Variants in CCDC3 observed in about 807,000 individuals in gnomAD.
CCDC3 encodes coiled-coil domain-containing protein 3.
In CCDC3, 24 loss-of-function variants were observed where a neutral mutation model predicts 21.4. That is an observed-to-expected ratio of 1.12 (90% CI 0.81 to 1.58). The LOEUF (loss-of-function observed/expected upper bound fraction) is 1.58. Among genes scored for constraint, CCDC3 ranks in the 40% most tolerant of loss-of-function variants. The pLI, the probability that CCDC3 is intolerant of heterozygous loss-of-function variation, is 0.00. For missense variants in CCDC3, 425 were observed against 360.9 expected (o/e 1.18, Z -1.44); for synonymous variants, 186 against 166.0 (o/e 1.12, Z -0.93).
At chr10:12,901,699 A>G (rs559086866) in intron 2 of CCDC3, among the ~76,000 whole-genome samples, 11 of 152,228 alleles carry the variant, frequency 7.2e-5, no homozygotes, top group Non-Finnish European at 1.6e-4. Flanking sequence ...GCCCTCGTGC[A>G]CAGTAAACGT....
At chr10:12,927,898 AC>A (rs1314470898) in intron 2 of CCDC3, among the ~76,000 whole-genome samples, 11 of 152,244 alleles carry the variant, frequency 7.2e-5, no homozygotes, top group African/African-American at 2.7e-4. Context: ...TCAATCTCAA[AC>A]TACATACACA....
chr10:13,001,598 G>A lies in CCDC3; in HGVS notation c.-28C>T, dbSNP rs2131288579. The A allele has an allele frequency of 8.6e-7, 1 of 1,160,006 alleles. No homozygotes were observed. Among genetic ancestry groups the A allele is most frequent in the Non-Finnish European group, 1.1e-6 (1 of 942,290 alleles). The allele number at this position is 1,160,006 out of a possible 1,614,324, so 71.9% of individuals were successfully genotyped here. ...CGGGCCCTCCCGGGGCGCACGGGGCGGCGGCGGGGAGCCCGGGGAGCCCGC... is the reference window on the plus strand; with the variant it reads ...CGGGCCCTCCCGGGGCGCACGGGGCAGCGGCGGGGAGCCCGGGGAGCCCGC... On this transcript the variant is annotated 5_prime_UTR_variant, in exon 1 of 3. Coordinates refer to ENST00000378825, the MANE Select transcript of CCDC3 (RefSeq NM_031455.4).
intron 3 of CCDC3, among the ~76,000 whole-genome samples, chr10:13,092,068 A>G (rs1040066881): frequency 6.6e-6 from 1 of 152,192 alleles, no homozygotes; most frequent in Non-Finnish European, 1.5e-5. Context: ...CAGGGTGCAG[A>G]TAGCTGCAGC....
intron 1 of CCDC3, among the ~76,000 whole-genome samples, chr10:12,999,933 T>C (rs1327445531): frequency 1.3e-5 from 2 of 152,196 alleles, no homozygotes; most frequent in Non-Finnish European, 2.9e-5. Context: ...TGGAAATACA[T>C]ACATATATAT....
At chr10:13,005,939 C>T (rs572493110), upstream of CCDC3, among the ~76,000 whole-genome samples, 25 of 152,332 alleles carry the variant, frequency 1.6e-4, no homozygotes, top group East Asian at 1.7e-3. Flanking sequence ...CATCCAAGGA[C>T]CAGCAACTTT....
intron 4 of CCDC3, chr10:13,058,487 T>C: frequency 2.7e-6 from 2 of 751,490 alleles, no homozygotes; most frequent in South Asian, 2.7e-5. Flanking sequence ...GCCTAAGCAA[T>C]CTGACAAATG....
At chr10:12,936,019 A>G (rs78704279) in intron 2 of CCDC3, among the ~76,000 whole-genome samples, 7,594 of 151,954 alleles carry the variant, frequency 0.05, 219 homozygotes, top group Non-Finnish European at 0.072. Context: ...TGTCAGATCA[A>G]TGAAGATGAC....
chr10:12,984,470 G>T (rs1017214280), intron 2 of CCDC3, among the ~76,000 whole-genome samples: 1 of 152,198 alleles, frequency 6.6e-6, no homozygotes, highest in Non-Finnish European at 1.5e-5. Flanking sequence ...ACGTAAAATG[G>T]TGCAGCTGCT....
intron 4 of CCDC3, among the ~76,000 whole-genome samples, chr10:13,067,692 T>A (rs530464774): frequency 6.6e-6 from 1 of 152,282 alleles, no homozygotes; most frequent in African/African-American, 2.4e-5. Context: ...TGGTTTGATA[T>A]CTGCATGATC....
chr10:13,029,742 T>G (rs577294012), intron 5 of CCDC3, among the ~76,000 whole-genome samples: 1 of 152,202 alleles, frequency 6.6e-6, no homozygotes, highest in Admixed American at 6.5e-5. Context: ...AGGGTATCAG[T>G]GATTGAAGAT....
At chr10:12,996,107 G>A (rs1835757806) in intron 2 of CCDC3, among the ~76,000 whole-genome samples, 6 of 152,226 alleles carry the variant, frequency 3.9e-5, no homozygotes, top group Admixed American at 3.9e-4. Flanking sequence ...AAGAAATTAA[G>A]TATGACTCGG....
At chr10:12,985,761 G>C (rs978401322) in intron 2 of CCDC3, among the ~76,000 whole-genome samples, 1 of 152,248 alleles carries the variant, frequency 6.6e-6, no homozygotes, top group African/African-American at 2.4e-5. Context: ...GGATAGGTGA[G>C]GGGAAGGGTA....
upstream of CCDC3, among the ~76,000 whole-genome samples, chr10:13,005,238 C>T (rs963568739): frequency 6.6e-6 from 1 of 152,206 alleles, no homozygotes; most frequent in Non-Finnish European, 1.5e-5. Flanking sequence ...GAAAAATCTT[C>T]AAACCAGTCT....
At chr10:13,053,022 T>C (rs1218082197) in intron 4 of CCDC3, among the ~76,000 whole-genome samples, 1 of 151,662 alleles carries the variant, frequency 6.6e-6, no homozygotes, top group Non-Finnish European at 1.5e-5. Context: ...ATGTTTTTTT[T>C]CTTGCCTTCC....
chr10:12,920,853 C>T (rs566322532), intron 2 of CCDC3, among the ~76,000 whole-genome samples: 3 of 152,264 alleles, frequency 2.0e-5, no homozygotes, highest in Non-Finnish European at 4.4e-5. Flanking sequence ...CAAAAGGTAG[C>T]GCTCCCATGC....
intron 5 of CCDC3, among the ~76,000 whole-genome samples, chr10:13,010,231 G>C (rs1835968671): frequency 1.3e-5 from 2 of 151,982 alleles, no homozygotes; most frequent in Non-Finnish European, 1.5e-5. Flanking sequence ...CTGGGTGACA[G>C]AGCAAGACTC....
intron 5 of CCDC3, among the ~76,000 whole-genome samples, chr10:13,015,294 A>G (rs1836040694): frequency 2.0e-5 from 3 of 152,162 alleles, no homozygotes; most frequent in Admixed American, 6.5e-5. Context: ...TGATAATTAG[A>G]TTAAATTCCA....
intron 5 of CCDC3, among the ~76,000 whole-genome samples, chr10:13,040,846 G>A (rs1333273621): frequency 1.3e-5 from 2 of 152,128 alleles, no homozygotes; most frequent in African/African-American, 2.4e-5. Flanking sequence ...TATTATGTAC[G>A]ATGCTGGAGT....
intron 2 of CCDC3, among the ~76,000 whole-genome samples, chr10:12,943,006 T>C (rs1217815830): frequency 3.3e-5 from 5 of 152,210 alleles, no homozygotes; most frequent in African/African-American, 4.8e-5. Flanking sequence ...GGGCTCTGTC[T>C]TTATGTTTAT....
Sources: gnomAD v4.1 joint callset for allele counts (sites outside exome capture counted in the v4.1 genomes callset) on GRCh38, gnomAD v4.1.1 for gene constraint, MANE v1.5 for transcripts, NCBI Gene and HGNC (gene_info 2026-07-23, HGNC 2026-07-21) for gene names.